The following EIF3C variants were observed in gnomAD, a reference collection of about 807,000 sequenced individuals.
EIF3C encodes cell migration-inducing protein 17.
EIF3C carries 2 observed loss-of-function variants against 11.1 expected under a neutral mutation model. The observed-to-expected ratio is 0.18, with a 90% CI of 0.07 to 0.57. EIF3C has a LOEUF of 0.57. Among genes scored for constraint, EIF3C ranks in the 20% least tolerant of loss-of-function variants. EIF3C has a pLI of 0.92. For missense variants in EIF3C, 16 were observed against 114.6 expected (o/e 0.14, Z 3.93); for synonymous variants, 2 against 41.5 (o/e 0.05, Z 3.66).
At chr16:28,691,924 A>G (rs1354096536) in intron 1 of EIF3C, among the ~76,000 whole-genome samples, 2 of 145,306 alleles carry the variant, frequency 1.4e-5, no homozygotes, top group Non-Finnish European at 3.0e-5. Context: ...CGACCCTTCC[A>G]CCTAAGGTTA....
intron 1 of EIF3C, among the ~76,000 whole-genome samples, chr16:28,697,875 C>T (rs1377288517): frequency 7.3e-5 from 6 of 81,746 alleles, no homozygotes; most frequent in South Asian, 8.5e-4. Context: ...GGGGGCTGAC[C>T]CCCCAACCTC....
intron 1 of EIF3C, among the ~76,000 whole-genome samples, chr16:28,698,241 G>A (rs2048253938): frequency 7.8e-6 from 1 of 127,610 alleles, no homozygotes; most frequent in Admixed American, 7.4e-5. Flanking sequence ...CGGGGCGGCT[G>A]GCCGGGTGGG....
In EIF3C at chr16:28,700,512, A is replaced by G. The variant is rs534168707; in HGVS notation, c.-30-11145A>G. 2 of 328,410 alleles carry G rather than the reference A, an allele frequency of 6.1e-6. 1 individual carries two copies. Among genetic ancestry groups the G allele is most frequent in the Non-Finnish European group, 1.1e-5 (2 of 177,740 alleles). The allele number at this position is 328,410 out of a possible 1,614,324, so 20.3% of individuals were successfully genotyped here. On this transcript the variant is annotated intron_variant, in intron 1 of 20. Transcript: ENST00000566501. ...CCCTTTTGGAGTTCCTCAGGGGGGA[A>G]CTCGTCACCTCCACGGGTTCCAGGC...
chr16:28,698,636 T>C (rs1264893892), intron 1 of EIF3C, among the ~76,000 whole-genome samples: 11 of 76,088 alleles, frequency 1.4e-4, no homozygotes, highest in South Asian at 1.0e-3. Context: ...ACTTCCCAGA[T>C]GGGGTGGCTG....
rs754205319 is a variant in EIF3C at position 28,723,330 on chromosome 16, G to T, written c.936+7G>T. On this transcript the variant is annotated splice_region_variant and intron_variant, in intron 9 of 20. Coordinates refer to ENST00000331666, the MANE Select transcript of EIF3C (RefSeq NM_003752.5). ...CGGAGTGCCGTTGGTTAAGGTGAGG[G>T]TTTCAGAGGTAAAATGAATTGGGGA... 1.9e-6 allele frequency: 3 copies of T among 1,614,042 alleles called. No homozygotes were observed. The highest frequency in any genetic ancestry group is 2.5e-6 in the Non-Finnish European group (3 of 1,179,906).
intron 15 of EIF3C, among the ~76,000 whole-genome samples, chr16:28,728,521 G>GGGGTGT (rs1555491254): frequency 2.3e-5 from 2 of 87,012 alleles, no homozygotes; most frequent in African/African-American, 6.9e-5. Context: ...ATCTTTTAGG[G>GGGGTGT]GTGTGTGTGT....
At chr16:28,688,833 G>C (rs2048208384) in intron 1 of EIF3C, 2 of 36,140 alleles carry the variant, frequency 5.5e-5, no homozygotes, top group Admixed American at 3.4e-4. Flanking sequence ...TTCCAGGTTT[G>C]TTCTTTCTCT....
chr16:28,704,520 G>GCC (rs201692566), intron 1 of EIF3C, among the ~76,000 whole-genome samples: 1 of 83,206 alleles, frequency 1.2e-5, no homozygotes, highest in Non-Finnish European at 2.2e-5. Context: ...ACATAGTGAG[G>GCC]CCCCCCCCGT....
intron 16 of EIF3C, among the ~76,000 whole-genome samples, chr16:28,733,087 C>T (rs200887448): frequency 0.024 from 574 of 23,846 alleles, 92 homozygotes; most frequent in South Asian, 0.081. Flanking sequence ...TTCTTTCTTT[C>T]TTTTTTTTTT....
At chr16:28,728,443 C>A (rs1435433427) in intron 15 of EIF3C, among the ~76,000 whole-genome samples, 1 of 38,682 alleles carries the variant, frequency 2.6e-5, no homozygotes, top group Non-Finnish European at 6.5e-5. Context: ...GTGTGTGTCT[C>A]TTTTAGGGGG....
intron 1 of EIF3C, among the ~76,000 whole-genome samples, chr16:28,692,477 AAAT>A (rs2048223376): frequency 8.0e-6 from 1 of 125,664 alleles, no homozygotes; most frequent in African/African-American, 3.3e-5. Flanking sequence ...AAATTTTTCT[AAAT>A]AAGAACCGGG....
intron 15 of EIF3C, among the ~76,000 whole-genome samples, chr16:28,728,442 TCTTTTA>T (rs1377430972): frequency 0.027 from 1,178 of 43,956 alleles, 44 homozygotes; most frequent in East Asian, 0.058. Context: ...TGTGTGTGTC[TCTTTTA>T]GGGGGTGTGT....
At chr16:28,698,046 C>G (rs1406513416) in intron 1 of EIF3C, among the ~76,000 whole-genome samples, 1 of 33,130 alleles carries the variant, frequency 3.0e-5, no homozygotes, top group Non-Finnish European at 4.7e-5. Context: ...CCGGGCAGAG[C>G]GGCTCCTCAC....
At chr16:28,698,132 C>T (rs2048252291) in intron 1 of EIF3C, among the ~76,000 whole-genome samples, 9 of 85,896 alleles carry the variant, frequency 1.0e-4, no homozygotes, top group East Asian at 4.1e-4. Context: ...GGGGGCTGAC[C>T]CCCCCCACCT....
At chr16:28,698,177 G>A (rs1596703448) in intron 1 of EIF3C, among the ~76,000 whole-genome samples, 1 of 104,244 alleles carries the variant, frequency 9.6e-6, no homozygotes, top group Non-Finnish European at 2.0e-5. Context: ...GGGCAGAGGG[G>A]CTCCTCACTT....
At chr16:28,725,598 TACAC>T (rs1167468521) in intron 13 of EIF3C, among the ~76,000 whole-genome samples, 6 of 7,232 alleles carry the variant, frequency 8.3e-4, no homozygotes, top group African/African-American at 7.0e-4. Flanking sequence ...CTACTAAAAA[TACAC>T]ACACACACAC....
At chr16:28,712,455 A>AT (rs1330780676) in intron 2 of EIF3C, among the ~76,000 whole-genome samples, 2 of 71,284 alleles carry the variant, frequency 2.8e-5, no homozygotes, top group African/African-American at 5.4e-5. Flanking sequence ...ATTGTTTTTA[A>AT]TTTTTTGTAG....
At chr16:28,699,549 A>C (rs1446686307) in intron 1 of EIF3C, among the ~76,000 whole-genome samples, 1 of 103,710 alleles carries the variant, frequency 9.6e-6, no homozygotes, top group Non-Finnish European at 1.9e-5. Context: ...GAATCCTCCA[A>C]CTTTTTTTTT....
At chr16:28,700,525 A>G (rs573940803) in intron 1 of EIF3C, 1 of 317,582 alleles carries the variant, frequency 3.1e-6, no homozygotes, top group African/African-American at 3.8e-5. Context: ...CGTCACCTCC[A>G]CGGGTTCCAG....
Sources: allele counts gnomAD v4.1 joint callset (sites outside exome capture counted in the v4.1 genomes callset), GRCh38; gene constraint gnomAD v4.1.1; transcripts MANE v1.5; gene names NCBI Gene and HGNC (gene_info 2026-07-23, HGNC 2026-07-21).